Variants in PTPRN2 observed in about 807,000 individuals in gnomAD.
PTPRN2 encodes the protein protein tyrosine phosphatase receptor type N2, also known as receptor-type tyrosine-protein phosphatase N2.
PTPRN2 carries 74 observed loss-of-function variants against 118.8 expected under a neutral mutation model. The ratio of observed to expected loss-of-function variants is 0.62; its 90% CI spans 0.52 to 0.76. PTPRN2 has a LOEUF of 0.76. Among genes scored for constraint, PTPRN2 ranks in the 30% least tolerant of loss-of-function variants. The probability of loss-of-function intolerance (pLI) is 0.00; values close to 1 mark genes in which losing one functional copy is unlikely to be tolerated. For missense variants in PTPRN2, 1,481 were observed against 1,394.4 expected (o/e 1.06, Z -0.99); for synonymous variants, 641 against 608.0 (o/e 1.05, Z -0.80).
At position 157,878,469 on chromosome 7, in the gene PTPRN2, TGGAA is replaced by T. The variant is rs568428928; in HGVS notation, c.1788+20200_1788+20203del. ...GAGGAGCTCTCGGATTCCGTGGGGC[TGGAA>T]GGGTCAGTGTGATACCGTGCACCCA... On this transcript the variant is annotated intron_variant, in intron 12 of 22. Coordinates refer to ENST00000389418, the MANE Select transcript of PTPRN2 (RefSeq NM_002847.5). Among the ~76,000 whole-genome samples the T allele has an allele frequency of 7.2e-3, 1,034 of 144,204 alleles. 24 individuals carry two copies. Among genetic ancestry groups the T allele is most frequent in the Admixed American group, 0.039 (545 of 13,894 alleles). The allele number at this position is 144,204 out of a possible 152,430, so 94.6% of individuals were successfully genotyped here.
At chr7:158,146,214 C>A (rs527463766) in intron 6 of PTPRN2, among the ~76,000 whole-genome samples, 13 of 152,278 alleles carry the variant, frequency 8.5e-5, no homozygotes, top group Admixed American at 2.6e-4. Context: ...CACCTTCCAA[C>A]TTGCTCAAGA....
rs1799158656 is a variant in PTPRN2, at chr7:157,560,977, C to T, written c.2902+7925G>A. Among the ~76,000 whole-genome samples, 1 of 152,196 alleles carries T rather than the reference C, an allele frequency of 6.6e-6. No individual in the cohort carries two copies. Among genetic ancestry groups the T allele is most frequent in the South Asian group, 2.1e-4 (1 of 4,828 alleles). The stretch of plus-strand genomic sequence containing the variant: ...GCACCTCCTTCTCTTGGTGCCTGCG[C>T]CCAAATGTGTGGCTCTGTCTGGCTC... On this transcript the variant is annotated intron_variant, in intron 21 of 22. Coordinates refer to ENST00000389418, the MANE Select transcript of PTPRN2 (RefSeq NM_002847.5). The surrounding 1 kb of genome is among the most constrained non-coding windows in gnomAD (Gnocchi z 6.7).
At chr7:158,167,396 G>C (rs930211702) in intron 5 of PTPRN2, 105 bp from the exon 6 acceptor site, 1 of 1,408,364 alleles carries the variant, frequency 7.1e-7, no homozygotes, top group African/African-American at 1.4e-5. Context: ...AAACAGCCCT[G>C]GGGGTACAAA....
intron 12 of PTPRN2, among the ~76,000 whole-genome samples, chr7:157,821,931 C>A (rs1193747040): frequency 2.0e-5 from 3 of 152,112 alleles, no homozygotes; most frequent in Non-Finnish European, 4.4e-5. Flanking sequence ...TATATATACA[C>A]TATCCATCAT....
intron 11 of PTPRN2, among the ~76,000 whole-genome samples, chr7:157,993,329 TAA>T (rs111331744): frequency 6.9e-6 from 1 of 144,880 alleles, no homozygotes. Context: ...TTTATGAAAT[TAA>T]AAAAAAAAAC....
At chr7:157,646,042 G>A (rs1417397636) in intron 14 of PTPRN2, among the ~76,000 whole-genome samples, 3 of 152,218 alleles carry the variant, frequency 2.0e-5, no homozygotes, top group African/African-American at 4.8e-5. Flanking sequence ...GAAGAGAGTG[G>A]AGCCTGTACC....
At chr7:158,416,201 G>C in intron 2 of PTPRN2, among the ~76,000 whole-genome samples, 1 of 152,210 alleles carries the variant, frequency 6.6e-6, no homozygotes, top group African/African-American at 2.4e-5. Flanking sequence ...CCACTTTGGG[G>C]CCCAGGAATG....
At chr7:158,511,910 G>A (rs758414947) in intron 1 of PTPRN2, among the ~76,000 whole-genome samples, 1 of 152,194 alleles carries the variant, frequency 6.6e-6, no homozygotes, top group Non-Finnish European at 1.5e-5. Context: ...GGAGATGTGA[G>A]TATGTGAAAT....
At chr7:157,829,288 ATCTGAACACGG>A (rs2151156982) in intron 12 of PTPRN2, among the ~76,000 whole-genome samples, 1 of 152,346 alleles carries the variant, frequency 6.6e-6, no homozygotes, top group East Asian at 1.9e-4. Flanking sequence ...GGCAGGTGCT[ATCTGAACACGG>A]TGGCGCAAAA....
At chr7:158,021,407 T>C (rs1806860409) in intron 11 of PTPRN2, among the ~76,000 whole-genome samples, 1 of 152,076 alleles carries the variant, frequency 6.6e-6, no homozygotes, top group Non-Finnish European at 1.5e-5. Flanking sequence ...CATGAGAAAC[T>C]TCATCAGTGA....
intron 3 of PTPRN2, among the ~76,000 whole-genome samples, chr7:158,274,386 G>A (rs144899252): frequency 0.074 from 6,660 of 90,548 alleles, 257 homozygotes; most frequent in East Asian, 0.14. Flanking sequence ...AGGGGGAGCC[G>A]CAGGCACAGG....
Position 157,987,663 on chromosome 7 carries a change from C to A in PTPRN2, c.1724-88926G>T, listed in dbSNP as rs563167202. Among the ~76,000 whole-genome samples the A allele has an allele frequency of 2.0e-5, 3 of 152,246 alleles. No homozygotes were observed. Among genetic ancestry groups the A allele is most frequent in the Admixed American group, 2.0e-4 (3 of 15,298 alleles). On this transcript the variant is annotated intron_variant, in intron 11 of 22. Coordinates refer to ENST00000389418, the MANE Select transcript of PTPRN2 (RefSeq NM_002847.5). This position sits in a 1 kb window ranked among gnomAD's most constrained non-coding sequence, Gnocchi z 4.3. Reference sequence around the variant, plus strand: ...GGGTGAACAGTTGGAATACAGGTTCCTCGGGCCTGTCCTAAATGCTATCAG... The same window carrying A: ...GGGTGAACAGTTGGAATACAGGTTCATCGGGCCTGTCCTAAATGCTATCAG...
At chr7:158,074,780 A>T (rs2128924890) in intron 11 of PTPRN2, among the ~76,000 whole-genome samples, 1 of 152,286 alleles carries the variant, frequency 6.6e-6, no homozygotes. Flanking sequence ...GTCGGAGGGG[A>T]CAAGGCAGCA....
Position 158,237,539 on chromosome 7 carries a change from G to A in PTPRN2, c.278-32266C>T, listed in dbSNP as rs1795609453. On this transcript the variant is annotated intron_variant, in intron 3 of 22. Coordinates refer to ENST00000389418, the MANE Select transcript of PTPRN2 (RefSeq NM_002847.5). ...GACCCTCTCCCCACAATTGTCTTGT[G>A]ACCCTGACACATCCCCCTCTTCGAG... Among the ~76,000 whole-genome samples the A allele has an allele frequency of 6.7e-5, 2 of 30,004 alleles. 1 individual carries two copies. Among genetic ancestry groups the A allele is most frequent in the African/African-American group, 4.3e-4 (2 of 4,702 alleles). The allele number at this position is 30,004 out of a possible 152,430, so 19.7% of individuals were successfully genotyped here.
chr7:157,937,108 C>T (rs930287), intron 11 of PTPRN2, among the ~76,000 whole-genome samples: 55,858 of 151,974 alleles, frequency 0.37, 13,086 homozygotes, highest in African/African-American at 0.65. Context: ...GGAAGCCCTC[C>T]GGACCCCTGA....
intron 12 of PTPRN2, among the ~76,000 whole-genome samples, chr7:157,822,797 C>CCCAT (rs1194219700): frequency 1.3e-5 from 2 of 151,756 alleles, no homozygotes; most frequent in African/African-American, 4.8e-5. Flanking sequence ...TATCCATCAG[C>CCCAT]CCATCCATCC....
At chr7:157,577,566 G>T (rs184213322) in intron 18 of PTPRN2, among the ~76,000 whole-genome samples, 44 of 152,272 alleles carry the variant, frequency 2.9e-4, no homozygotes, top group African/African-American at 9.6e-4. Context: ...GAGCCACGGG[G>T]AGGCCACACG....
At chr7:158,197,742 G>A (rs542987036) in intron 4 of PTPRN2, among the ~76,000 whole-genome samples, 6 of 152,256 alleles carry the variant, frequency 3.9e-5, no homozygotes, top group African/African-American at 7.2e-5. Flanking sequence ...GAAGTGCAAG[G>A]AGCAAAGGGG....
intron 2 of PTPRN2, among the ~76,000 whole-genome samples, chr7:158,343,147 C>T (rs1190685164): frequency 2.0e-5 from 3 of 152,106 alleles, no homozygotes; most frequent in Non-Finnish European, 4.4e-5. Context: ...GAAATATTTG[C>T]CCTCATCTAT....
Sources: allele counts gnomAD v4.1 joint callset (sites outside exome capture counted in the v4.1 genomes callset), GRCh38; gene constraint gnomAD v4.1.1; non-coding constraint Gnocchi (gnomAD v3.1); transcripts MANE v1.5; gene names NCBI Gene and HGNC (gene_info 2026-07-23, HGNC 2026-07-21).